MAGI2: variants seen among roughly 807,000 people sequenced by gnomAD.
MAGI2 encodes membrane associated guanylate kinase, WW and PDZ domain containing 2.
In MAGI2, 35 loss-of-function variants were observed where a neutral mutation model predicts 133.3. The ratio of observed to expected loss-of-function variants is 0.26; its 90% CI spans 0.20 to 0.35. The LOEUF is 0.35. Among genes scored for constraint, MAGI2 ranks in the 10% least tolerant of loss-of-function variants. The pLI is 1.00. For synonymous variants in MAGI2, 729 were observed against 710.6 expected, an observed-to-expected ratio of 1.03 and a Z score of -0.41; for missense variants, 1,636 against 1,863.4, an observed-to-expected ratio of 0.88 and a Z score of 2.25.
chr7:79,261,927 T>G (rs1024059470), intron 1 of MAGI2, among the ~76,000 whole-genome samples: 4 of 152,192 alleles, frequency 2.6e-5, no homozygotes, highest in African/African-American at 9.6e-5. Context: ...GCAAGTAACT[T>G]TGTTGTTCAT....
chr7:78,610,293 G>C (rs952911539), intron 3 of MAGI2, among the ~76,000 whole-genome samples: 2 of 152,178 alleles, frequency 1.3e-5, no homozygotes, highest in African/African-American at 4.8e-5. Context: ...TGGCCTTGGA[G>C]GAGGACAGGC....
intron 2 of MAGI2, among the ~76,000 whole-genome samples, chr7:78,715,427 G>A (rs1294726686): frequency 6.6e-6 from 1 of 152,112 alleles, no homozygotes; most frequent in Non-Finnish European, 1.5e-5. Context: ...TATCTTACCT[G>A]TTAAAAATTA....
chr7:79,349,108 T>C (rs78266514), intron 1 of MAGI2, among the ~76,000 whole-genome samples: 1 of 152,058 alleles, frequency 6.6e-6, no homozygotes. Flanking sequence ...TAAGGTTTTA[T>C]GGATTTATAA....
At chr7:79,237,447 C>A (rs990670007) in intron 1 of MAGI2, among the ~76,000 whole-genome samples, 1 of 152,090 alleles carries the variant, frequency 6.6e-6, no homozygotes, top group African/African-American at 2.4e-5. Flanking sequence ...GAGCCAACGT[C>A]GCGCCACTGA....
At chr7:78,819,514 T>G (rs1202050381) in intron 2 of MAGI2, among the ~76,000 whole-genome samples, 2 of 152,080 alleles carry the variant, frequency 1.3e-5, no homozygotes, top group African/African-American at 4.8e-5. Context: ...TTTATGCATT[T>G]TTGTTAGACG....
intron 6 of MAGI2, among the ~76,000 whole-genome samples, chr7:78,380,142 AAC>A (rs3061267): frequency 0.37 from 54,717 of 148,644 alleles, 10,293 homozygotes; most frequent in African/African-American, 0.46. Context: ...CTCTAGGGAC[AAC>A]ACACACACAC....
chr7:79,263,540 C>A (rs1419382523), intron 1 of MAGI2, among the ~76,000 whole-genome samples: 1 of 152,082 alleles, frequency 6.6e-6, no homozygotes. Flanking sequence ...TAAAATAACT[C>A]CCCCATCACC....
At chr7:78,619,129 A>T (rs1807441192) in intron 3 of MAGI2, 1 of 151,824 alleles carries the variant, frequency 6.6e-6, no homozygotes, top group African/African-American at 2.4e-5. Flanking sequence ...CATGTTTTGA[A>T]ACATCACATT....
rs1491309121 is a variant in MAGI2 at position 78,771,533 on chromosome 7, T to TA, written c.419-144295dup. On this transcript the variant is annotated intron_variant, in intron 2 of 21. Transcript: ENST00000354212. Reference sequence around the variant, plus strand: ...CCTTTTACCAATTAAGAGAAGCTAGTATAGTATAATGAAATGTAATTAAAC... The same window carrying TA: ...CCTTTTACCAATTAAGAGAAGCTAGTAATAGTATAATGAAATGTAATTAAAC... 2.0e-5 allele frequency among the ~76,000 whole-genome samples: 3 copies of TA among 152,232 alleles called. No individual in the cohort carries two copies. The East Asian group carries it at 5.8e-4, about 29-fold the overall frequency.
chr7:78,412,324 T>C (rs1172014185), intron 6 of MAGI2, among the ~76,000 whole-genome samples: 4 of 152,010 alleles, frequency 2.6e-5, no homozygotes, highest in Non-Finnish European at 5.9e-5. Flanking sequence ...GGGGAAGCAG[T>C]AGACAGACAG....
intron 10 of MAGI2, among the ~76,000 whole-genome samples, chr7:78,233,268 G>T (rs373901078): frequency 3.9e-5 from 6 of 152,156 alleles, no homozygotes; most frequent in African/African-American, 1.4e-4. Flanking sequence ...TTTTTGAGGA[G>T]TAGACAAAGA....
chr7:79,346,396 T>A lies in MAGI2; in HGVS notation c.301+106624A>T, dbSNP rs375286023. Among the ~76,000 whole-genome samples the A allele has an allele frequency of 1.6e-3, 237 of 152,074 alleles. 1 individual carries two copies. The highest frequency in any genetic ancestry group is 4.9e-3 in the African/African-American group (204 of 41,530). On this transcript the variant is annotated intron_variant, in intron 1 of 21. Transcript: ENST00000354212. The stretch of plus-strand genomic sequence containing the variant: ...TACGATGAAAGTACTTTACCATGAG[T>A]TTTTCCCTTCTTGTTTTCAACATGT...
intron 2 of MAGI2, among the ~76,000 whole-genome samples, chr7:78,832,966 T>G (rs59185499): frequency 0.087 from 13,295 of 152,138 alleles, 770 homozygotes; most frequent in East Asian, 0.2. Context: ...TGTTCATATG[T>G]ATAAGATAGG....
chr7:78,505,828 G>A (rs143919685), intron 4 of MAGI2, among the ~76,000 whole-genome samples: 69 of 152,204 alleles, frequency 4.5e-4, no homozygotes, highest in Non-Finnish European at 4.7e-4. Context: ...AAAGAGTCAG[G>A]GAAAACCTCT....
intron 1 of MAGI2, among the ~76,000 whole-genome samples, chr7:79,096,507 T>A (rs1404466719): frequency 2.6e-4 from 40 of 152,164 alleles, no homozygotes; most frequent in Admixed American, 2.6e-3. Flanking sequence ...AGCATTTCCT[T>A]CTTTTAACTC....
intron 2 of MAGI2, among the ~76,000 whole-genome samples, chr7:78,878,530 A>G (rs548494560): frequency 3.5e-4 from 53 of 152,332 alleles, no homozygotes; most frequent in African/African-American, 1.3e-3. Context: ...GTCAATATAG[A>G]GTTTCAATGG....
intron 1 of MAGI2, among the ~76,000 whole-genome samples, chr7:79,009,294 AG>A (rs1394996938): frequency 6.6e-6 from 1 of 152,144 alleles, no homozygotes; most frequent in Non-Finnish European, 1.5e-5. Flanking sequence ...ACAACAAAAA[AG>A]TCTATTTATT....
chr7:79,366,262 G>C (rs12056183), intron 1 of MAGI2, among the ~76,000 whole-genome samples: 76,267 of 151,786 alleles, frequency 0.5, 20,640 homozygotes, highest in African/African-American at 0.71. Flanking sequence ...AACAAACAAA[G>C]AAAAATATAT....
intron 10 of MAGI2, among the ~76,000 whole-genome samples, chr7:78,242,908 C>CA (rs909771158): frequency 4.0e-5 from 6 of 151,786 alleles, no homozygotes; most frequent in Non-Finnish European, 7.4e-5. Flanking sequence ...TGTAATGTTA[C>CA]AAAAAATACA....
Sources: allele counts gnomAD v4.1 joint callset (sites outside exome capture counted in the v4.1 genomes callset), GRCh38; gene constraint gnomAD v4.1.1; transcripts MANE v1.5; gene names NCBI Gene and HGNC (gene_info 2026-07-23, HGNC 2026-07-21).